Variants in ZFAND6 observed in about 807,000 individuals in gnomAD.
ZFAND6 encodes AN1-type zinc finger protein 6.
A neutral mutation model predicts 24.5 loss-of-function variants in ZFAND6; 12 were observed. That is an observed-to-expected ratio of 0.49 (90% CI 0.31 to 0.79). ZFAND6 has a LOEUF of 0.79. Among genes scored for constraint, ZFAND6 ranks in the 30% least tolerant of loss-of-function variants. ZFAND6 has a pLI of 0.04. For missense variants in ZFAND6, 207 were observed against 245.9 expected (o/e 0.84, Z 1.06); for synonymous variants, 92 against 81.5 (o/e 1.13, Z -0.69).
chr15:80,093,581 C>T (rs1244553479), intron 1 of ZFAND6, among the ~76,000 whole-genome samples: 7 of 151,944 alleles, frequency 4.6e-5, no homozygotes, highest in African/African-American at 4.8e-5. Flanking sequence ...CAAAATTAGT[C>T]GGGCATGGTG....
At chr15:80,107,937 G>C (rs149589492) in intron 2 of ZFAND6, among the ~76,000 whole-genome samples, 2 of 152,136 alleles carry the variant, frequency 1.3e-5, no homozygotes, top group Non-Finnish European at 2.9e-5. Context: ...CCACAGATAC[G>C]CTTTGGGAAC....
chr15:80,107,504 A>G (rs1051383192), intron 2 of ZFAND6, among the ~76,000 whole-genome samples: 3 of 152,276 alleles, frequency 2.0e-5, no homozygotes, highest in Middle Eastern at 3.4e-3. Flanking sequence ...AACACAGTGA[A>G]TAAGACGAAT....
chr15:80,110,534 T>TA (rs2039555639), intron 2 of ZFAND6, among the ~76,000 whole-genome samples: 1 of 151,928 alleles, frequency 6.6e-6, no homozygotes, highest in African/African-American at 2.4e-5. Flanking sequence ...AAACTGAATC[T>TA]AAAATTTATG....
At chr15:80,111,295 A>T in intron 2 of ZFAND6, 1 of 324,998 alleles carries the variant, frequency 3.1e-6, no homozygotes. Context: ...GTCATCCCTC[A>T]GTATCTGCAG....
chr15:80,082,590 G>C (rs1330167954), intron 1 of ZFAND6, among the ~76,000 whole-genome samples: 2 of 152,190 alleles, frequency 1.3e-5, no homozygotes, highest in African/African-American at 4.8e-5. Flanking sequence ...TTTTACTAAT[G>C]TTCCTAAACC....
chr15:80,111,432 C>T (rs896696663), intron 2 of ZFAND6: 14 of 440,540 alleles, frequency 3.2e-5, no homozygotes, highest in Non-Finnish European at 5.4e-5. Context: ...TGACAGGTTT[C>T]ACATCCTGGG....
chr15:80,059,311 C>T (rs1263722091), upstream of ZFAND6, among the ~76,000 whole-genome samples: 1 of 152,232 alleles, frequency 6.6e-6, no homozygotes, highest in Non-Finnish European at 1.5e-5. Flanking sequence ...GTACCTGAAC[C>T]TACATAACCA....
At chr15:80,067,967 A>T (rs79923186) in intron 1 of ZFAND6, among the ~76,000 whole-genome samples, 7,814 of 151,616 alleles carry the variant, frequency 0.052, 226 homozygotes, top group Middle Eastern at 0.061. Flanking sequence ...AATTAAAAAA[A>T]TTTTTTTTTC....
chr15:80,115,601 C>T (rs1163536993), intron 2 of ZFAND6, among the ~76,000 whole-genome samples: 2 of 152,128 alleles, frequency 1.3e-5, no homozygotes, highest in Non-Finnish European at 1.5e-5. Context: ...AACTAAATTA[C>T]TCTTTATGGT....
At chr15:80,093,904 T>C (rs754112620) in intron 1 of ZFAND6, among the ~76,000 whole-genome samples, 1 of 152,036 alleles carries the variant, frequency 6.6e-6, no homozygotes, top group Non-Finnish European at 1.5e-5. Flanking sequence ...TGGGAGGAGG[T>C]AGACATTCAC....
At chr15:80,078,107 A>G (rs1249206185) in intron 1 of ZFAND6, among the ~76,000 whole-genome samples, 19 of 152,128 alleles carry the variant, frequency 1.2e-4, no homozygotes. Context: ...GGTTTGTTAC[A>G]TGGGTAAATT....
rs939788058 is a variant in ZFAND6, at chr15:80,066,814, T to C, written c.-181+7005T>C. On this transcript the variant is annotated intron_variant, in intron 1 of 6. Coordinates refer to ENST00000261749, the MANE Select transcript of ZFAND6 (RefSeq NM_019006.4). ...CGGGAGGCTGAGGCAGGAGAATCAC[T>C]TGAAACTTAGAGGCGGAGGTTGCAG... 6.6e-5 allele frequency among the ~76,000 whole-genome samples: 10 copies of C among 151,272 alleles called. 2 individuals carry two copies. The South Asian group carries it at 1.5e-3, about 22-fold the overall frequency.
At chr15:80,120,579 G>C in intron 3 of ZFAND6, 81 bp downstream of exon 3, 2 of 1,180,796 alleles carry the variant, frequency 1.7e-6, no homozygotes, top group Non-Finnish European at 2.2e-6. Context: ...ACCTTTTTCT[G>C]CTCTCACATT....
At chr15:80,095,567 G>A (rs2038670826) in intron 1 of ZFAND6, among the ~76,000 whole-genome samples, 1 of 152,118 alleles carries the variant, frequency 6.6e-6, no homozygotes, top group African/African-American at 2.4e-5. Flanking sequence ...ATTATTACTA[G>A]ATGGTAATAA....
Position 80,122,724 on chromosome 15 carries a change from A to T in ZFAND6, c.288A>T (p.Leu96Phe). 6.2e-7 allele frequency: 1 copy of T among 1,613,642 alleles called. No homozygotes were observed. Among genetic ancestry groups the T allele is most frequent in the Non-Finnish European group, 8.5e-7 (1 of 1,179,786 alleles). The part of the protein sequence containing the change: ...QPSPVSNQSL[L>F]SESVASSQLD... ...GCCCTGTATCAAATCAGTCACTTTT[A>T]TCAGAATCTGTAGCATCTTCTCAAT... Residue 96 changes from leucine (L) to phenylalanine (F), a missense_variant, in exon 5 of 7, where the codon TTA becomes TTT. Coordinates refer to ENST00000261749, the MANE Select transcript of ZFAND6 (RefSeq NM_019006.4).
chr15:80,089,371 G>T (rs1385901873), intron 1 of ZFAND6, among the ~76,000 whole-genome samples: 1 of 140,608 alleles, frequency 7.1e-6, no homozygotes, highest in Non-Finnish European at 1.5e-5. Context: ...CAATTCTCCT[G>T]TCTGAGCCTC....
chr15:80,118,777 G>A (rs559565500), intron 2 of ZFAND6, among the ~76,000 whole-genome samples: 8 of 151,858 alleles, frequency 5.3e-5, no homozygotes, highest in African/African-American at 1.4e-4. Flanking sequence ...TTTTTTAAAG[G>A]CAGCTGCTAA....
At chr15:80,109,763 G>A (rs748149754) in intron 2 of ZFAND6, among the ~76,000 whole-genome samples, 9 of 152,198 alleles carry the variant, frequency 5.9e-5, no homozygotes, top group Non-Finnish European at 1.2e-4. Context: ...GTATAGCGGG[G>A]CAAGAAGCAG....
chr15:80,093,613 T>C (rs944771466), intron 1 of ZFAND6, among the ~76,000 whole-genome samples: 2 of 152,122 alleles, frequency 1.3e-5, no homozygotes, highest in African/African-American at 4.8e-5. Flanking sequence ...TAATCCCAGC[T>C]ACTCAGGAGA....
Sources: allele counts gnomAD v4.1 joint callset (sites outside exome capture counted in the v4.1 genomes callset), GRCh38; gene constraint gnomAD v4.1.1; transcripts MANE v1.5; gene names NCBI Gene and HGNC (gene_info 2026-07-23, HGNC 2026-07-21).